TSR3: variants seen among roughly 807,000 people sequenced by gnomAD.
The protein encoded by TSR3 is 18S rRNA aminocarboxypropyltransferase.
In TSR3, 31 loss-of-function variants were observed where a neutral mutation model predicts 28.1. That is an observed-to-expected ratio of 1.10 (90% CI 0.83 to 1.49). The LOEUF is 1.49. Among genes scored for constraint, TSR3 ranks in the 40% most tolerant of loss-of-function variants. TSR3 has a pLI of 0.00. For synonymous variants in TSR3, 219 were observed against 197.2 expected (o/e 1.11, Z -0.93); for missense variants, 511 against 444.0 (o/e 1.15, Z -1.36).
At position 1,349,613 on chromosome 16, in the gene TSR3, G is replaced by A. The variant is rs376124614; in HGVS notation, c.768-5C>T. 2 of 1,586,330 alleles carry A rather than the reference G, an allele frequency of 1.3e-6. No homozygotes were observed. Among genetic ancestry groups the A allele is most frequent in the African/African-American group, 2.7e-5 (2 of 73,876 alleles). On this transcript the variant is annotated splice_polypyrimidine_tract_variant and splice_region_variant and intron_variant, in intron 5 of 5. Coordinates refer to ENST00000007390, the MANE Select transcript of TSR3 (RefSeq NM_001001410.3). Reference sequence around the variant, plus strand: ...TCATCAGTGTCCGAGGGCAGCCTGGGAGAGGAGGGGGAGCACGTTCCCAAA... The same window carrying A: ...TCATCAGTGTCCGAGGGCAGCCTGGAAGAGGAGGGGGAGCACGTTCCCAAA...
intron 5 of TSR3, 135 bp downstream of exon 5, chr16:1,349,754 A>G (rs1013396790): frequency 2.9e-6 from 4 of 1,365,712 alleles, no homozygotes; most frequent in Admixed American, 4.1e-5. Flanking sequence ...TGGGACATGC[A>G]CTGCAGGTTT....
Position 1,349,300 on chromosome 16 carries a change from T to C in TSR3, c.*137A>G. 2.1e-6 allele frequency: 2 copies of C among 956,868 alleles called. No homozygotes were observed. Among genetic ancestry groups the C allele is most frequent in the Non-Finnish European group, 3.4e-6 (2 of 595,196 alleles). The allele number at this position is 956,868 out of a possible 1,614,324, so 59.3% of individuals were successfully genotyped here. A position where few individuals can be genotyped will look rare whatever the true frequency, so the allele number is the denominator to read the frequency against. On this transcript the variant is annotated 3_prime_UTR_variant, in exon 6 of 6. Transcript: ENST00000007390. ...GGCAGGACACAGAGCACAGCTGTGC[T>C]GGAAGTGTGGGGAGAACCCGGACAG... is the stretch of plus-strand genomic sequence containing the variant.
rs372809768 is a variant in TSR3, at chr16:1,349,859, G to C, written c.767+30C>G. 5.3e-5 allele frequency: 85 copies of C among 1,612,766 alleles called. No individual in the cohort carries two copies. The African/African-American group carries it at 8.9e-4, about 17-fold the overall frequency. On this transcript the variant is annotated intron_variant, in intron 5 of 5. Coordinates refer to ENST00000007390, the MANE Select transcript of TSR3 (RefSeq NM_001001410.3). ...AGGTAGAAGAGAGCCCTGGGTCTGA[G>C]TGATCATGAAATTAAGCCCAAGGAC...
Position 1,351,007 on chromosome 16 carries a change from G to C in TSR3, c.333-7C>G. The stretch of plus-strand genomic sequence containing the variant: ...AGACTGCGCCACCAGCTGTCTGCCA[G>C]GGACAGCATGGGATAAGTTCAGGAG... On this transcript the variant is annotated splice_polypyrimidine_tract_variant and splice_region_variant and intron_variant, in intron 2 of 5. Transcript: ENST00000007390. The C allele has an allele frequency of 6.2e-7, 1 of 1,610,668 alleles. No individual in the cohort carries two copies. The highest frequency in any genetic ancestry group is 8.5e-7 in the Non-Finnish European group (1 of 1,179,384).
rs2034624209 is a variant in TSR3 at position 1,349,953 on chromosome 16, C to A, written c.704-1G>T. ...CTCCCTGAATCCACATCGAAGGGATCTGAGCCGAGAGAGGAAAGTGGCCTC... is the reference window on the plus strand; with the variant it reads ...CTCCCTGAATCCACATCGAAGGGATATGAGCCGAGAGAGGAAAGTGGCCTC... On this transcript the variant is annotated splice_acceptor_variant, in intron 4 of 5. Transcript: ENST00000007390. LOFTEE classifies it high-confidence loss of function. 1 of 1,613,508 alleles carries A rather than the reference C, an allele frequency of 6.2e-7. No individual in the cohort carries two copies. The highest frequency in any genetic ancestry group is 8.5e-7 in the Non-Finnish European group (1 of 1,180,014).
intron 5 of TSR3, 102 bp from the exon 6 acceptor site, chr16:1,349,710 C>T (rs2034614556): frequency 1.3e-5 from 19 of 1,431,260 alleles, no homozygotes; most frequent in Non-Finnish European, 1.7e-5. Context: ...GATTCCTCTT[C>T]CTCCCTGTGC....
chr16:1,350,014 C>T (rs370888956), intron 4 of TSR3, 44 bp downstream of exon 4: 4 of 1,610,822 alleles, frequency 2.5e-6, no homozygotes, highest in African/African-American at 2.7e-5. Flanking sequence ...CCTCCCACCC[C>T]CCAGGCTTTG....
At chr16:1,351,304 G>A (rs2034671310) in intron 2 of TSR3, 75 bp downstream of exon 2, 2 of 1,441,932 alleles carry the variant, frequency 1.4e-6, no homozygotes, top group African/African-American at 1.4e-5. Flanking sequence ...CGACATACAA[G>A]TGCCACTAAA....
Position 1,351,534 on chromosome 16 carries a change from C to A in TSR3, c.177G>T (p.Thr59=). 6.7e-7 allele frequency: 1 copy of A among 1,498,044 alleles called. No individual in the cohort carries two copies. Among genetic ancestry groups the A allele is most frequent in the Non-Finnish European group, 8.8e-7 (1 of 1,132,452 alleles). The allele number at this position is 1,498,044 out of a possible 1,614,324, so 92.8% of individuals were successfully genotyped here. The change falls in exon 2 of 6, where the codon ACG becomes ACT. Residue 59 remains threonine, a synonymous_variant. Coordinates refer to ENST00000007390, the MANE Select transcript of TSR3 (RefSeq NM_001001410.3). ...AGTGGCCCAACTCCCACATGGCCAG[C>A]GTGCAGGGCAGCGCCGCCGGGCCCG... The part of the protein sequence containing the change: ...GGPGPAALPC[T]LAMWELGHCD...
Position 1,349,525 on chromosome 16 carries a change from C to G in TSR3, c.851G>C (p.Cys284Ser). Reference protein sequence around the residue: ...AERGGASSSCCEEEQTQGRGA... With the variant: ...AERGGASSSCSEEEQTQGRGA... Reference sequence around the variant, plus strand: ...CCGTCCCTGCGTCTGCTCCTCTTCACAGCAGCTGCTGCTGGCTCCTCCGCG... The same window carrying G: ...CCGTCCCTGCGTCTGCTCCTCTTCAGAGCAGCTGCTGCTGGCTCCTCCGCG... The change falls in exon 6 of 6, where the codon TGT (cysteine) becomes TCT (serine). Residue 284 changes from cysteine (C) to serine (S), a missense_variant. Cys to Ser is a moderately radical substitution (Grantham distance 112). Transcript: ENST00000007390. 1 of 1,613,448 alleles carries G rather than the reference C, an allele frequency of 6.2e-7. No individual in the cohort carries two copies. The highest frequency in any genetic ancestry group is 8.5e-7 in the Non-Finnish European group (1 of 1,179,996).
chr16:1,349,422 ATG>A lies in TSR3; in HGVS notation c.*13_*14del, dbSNP rs762074589. 3 of 1,613,404 alleles carry A rather than the reference ATG, an allele frequency of 1.9e-6. No homozygotes were observed. Among genetic ancestry groups the A allele is most frequent in the African/African-American group, 2.7e-5 (2 of 74,894 alleles). ...TCTCGTCACCCAGCCTCAAAAATAT[ATG>A]TGTCTGCAACCCTCAGTCTCTCTGC... On this transcript the variant is annotated 3_prime_UTR_variant, in exon 6 of 6. Transcript: ENST00000007390.
Position 1,351,337 on chromosome 16 carries a change from G to T in TSR3, c.332+42C>A, listed in dbSNP as rs988857347. 3 of 1,542,530 alleles carry T rather than the reference G, an allele frequency of 1.9e-6. No individual in the cohort carries two copies. The African/African-American group carries it at 4.1e-5, about 21-fold the overall frequency. On this transcript the variant is annotated intron_variant, in intron 2 of 5. Coordinates refer to ENST00000007390, the MANE Select transcript of TSR3 (RefSeq NM_001001410.3). The stretch of plus-strand genomic sequence containing the variant: ...AAACCATCCCTGAAGGGAACCACGC[G>T]CTGGAAATGAAGACGACCTCGGGCA...
chr16:1,350,850 T>A lies in TSR3; in HGVS notation c.483A>T (p.Arg161Ser), dbSNP rs2034654368. ...CAGCAAACGCTTCCACGCAGGAAAGTCTGTAGGGCCGGCCATAGTTCACGG... is the reference window on the plus strand; with the variant it reads ...CAGCAAACGCTTCCACGCAGGAAAGACTGTAGGGCCGGCCATAGTTCACGG... ...ANPVNYGRPY[R>S]LSCVEAFAAT... is the part of the protein sequence containing the mutation. The change falls in exon 3 of 6, where the codon AGA becomes AGT. Residue 161 changes from arginine to serine, a missense_variant. Physicochemically the swap from Arg to Ser is moderately radical, Grantham distance 110. Transcript: ENST00000007390. 6.2e-7 allele frequency: 1 copy of A among 1,612,896 alleles called. No individual in the cohort carries two copies. Among genetic ancestry groups the A allele is most frequent in the Non-Finnish European group, 8.5e-7 (1 of 1,179,960 alleles).
Position 1,350,237 on chromosome 16 carries a change from G to C in TSR3, c.527-3C>G, listed in dbSNP as rs1247485225. On this transcript the variant is annotated splice_polypyrimidine_tract_variant and splice_region_variant and intron_variant, in intron 3 of 5. Coordinates refer to ENST00000007390, the MANE Select transcript of TSR3 (RefSeq NM_001001410.3). ...AATGACAGCAAGGTCTGGAAAGCCT[G>C]ACGGTGTGAGAAACAGGAAACCCAA... The C allele has an allele frequency of 1.3e-6, 2 of 1,581,856 alleles. No homozygotes were observed. Among genetic ancestry groups the C allele is most frequent in the African/African-American group, 2.7e-5 (2 of 73,990 alleles).
intron 2 of TSR3, 50 bp downstream of exon 2, chr16:1,351,328 GA>G: frequency 6.5e-7 from 1 of 1,533,946 alleles, no homozygotes; most frequent in Non-Finnish European, 8.7e-7. Context: ...TCCCTGAAGG[GA>G]ACCACGCGCT....
rs762008010 is a variant in TSR3 at position 1,349,920 on chromosome 16, CA to C, written c.735del (p.Phe245LeufsTer77). 1 of 1,613,658 alleles carries C rather than the reference CA, an allele frequency of 6.2e-7. No homozygotes were observed. On this transcript the variant is annotated frameshift_variant, in exon 5 of 6. Transcript: ENST00000007390. LOFTEE classifies it low-confidence loss of function (END_TRUNC). Reference protein sequence around the residue: ...DPFDVDSGREFGNPNRPVAST... With the variant: ...DPFDVDSGREXGNPNRPVAST... ...CTGGCCACAGGCCTGTTGGGGTTTC[CA>C]AACTCTCTCCCTGAATCCACATCGA... is the stretch of plus-strand genomic sequence containing the variant.
At position 1,349,492 on chromosome 16, in the gene TSR3, TCAG is replaced by T. The variant is rs752011303; in HGVS notation, c.881_883del (p.Ala294del). On this transcript the variant is annotated inframe_deletion, in exon 6 of 6. Transcript: ENST00000007390. ...CCAAACCTCAGCCGGGGCCCTGGCC[TCAG>T]CCCCCCGTCCCTGCGTCTGCTCCTC... The T allele has an allele frequency of 1.2e-6, 2 of 1,613,732 alleles. No individual in the cohort carries two copies. The highest frequency in any genetic ancestry group is 1.1e-5 in the South Asian group (1 of 91,074).
At chr16:1,350,624 C>T (rs1282115400) in intron 3 of TSR3, among the ~76,000 whole-genome samples, 183 bp downstream of exon 3, 1 of 152,210 alleles carries the variant, frequency 6.6e-6, no homozygotes, top group Non-Finnish European at 1.5e-5. Flanking sequence ...TCTGCCTCTA[C>T]TGCAACTCCA....
At position 1,349,964 on chromosome 16, in the gene TSR3, G is replaced by A. The variant is rs1198478536; in HGVS notation, c.704-12C>T. The A allele has an allele frequency of 1.2e-6, 2 of 1,612,512 alleles. No individual in the cohort carries two copies. Among genetic ancestry groups the A allele is most frequent in the South Asian group, 1.1e-5 (1 of 91,058 alleles). ...CACATCGAAGGGATCTGAGCCGAGA[G>A]AGGAAAGTGGCCTCTAAGTGAGCTC... On this transcript the variant is annotated splice_polypyrimidine_tract_variant and intron_variant, in intron 4 of 5. Transcript: ENST00000007390.
Sources: gnomAD v4.1 joint callset for allele counts (sites outside exome capture counted in the v4.1 genomes callset) on GRCh38, gnomAD v4.1.1 for gene constraint, MANE v1.5 for transcripts, NCBI Gene and HGNC (gene_info 2026-07-23, HGNC 2026-07-21) for gene names.